STIL: variants seen among roughly 807,000 people sequenced by gnomAD.
The protein encoded by STIL is SCL-interrupting locus protein.
STIL carries 55 observed loss-of-function variants against 110.1 expected under a neutral mutation model. The observed-to-expected ratio is 0.50, with a 90% CI of 0.40 to 0.63. The LOEUF (loss-of-function observed/expected upper bound fraction) is 0.63, where lower values mean the gene tolerates loss of function less well. Among genes scored for constraint, STIL ranks in the 20% least tolerant of loss-of-function variants. The pLI is 0.00. For synonymous variants in STIL, 481 were observed against 530.0 expected, an observed-to-expected ratio of 0.91 and a Z score of 1.27; for missense variants, 1,358 against 1,530.0, an observed-to-expected ratio of 0.89 and a Z score of 1.87.
intron 16 of STIL, among the ~76,000 whole-genome samples, chr1:47,254,892 A>T (rs535112910): frequency 6.6e-6 from 1 of 152,302 alleles, no homozygotes; most frequent in East Asian, 1.9e-4. Context: ...TAAAGTAGTC[A>T]ATATCAGTTT....
intron 3 of STIL, among the ~76,000 whole-genome samples, chr1:47,302,694 C>T (rs1329785691): frequency 6.6e-6 from 1 of 152,098 alleles, no homozygotes; most frequent in Non-Finnish European, 1.5e-5. Flanking sequence ...ACAGTAGTGC[C>T]CCCTTATCTC....
chr1:47,312,325 C>A (rs1470381041), intron 1 of STIL, among the ~76,000 whole-genome samples: 1 of 151,972 alleles, frequency 6.6e-6, no homozygotes, highest in Non-Finnish European at 1.5e-5. Flanking sequence ...CCCGTCTCTA[C>A]TAAAAATACA....
chr1:47,274,807 CT>C (rs139519885), intron 12 of STIL, among the ~76,000 whole-genome samples: 38,301 of 151,352 alleles, frequency 0.25, 5,159 homozygotes, highest in Non-Finnish European at 0.31. Context: ...GTGGAGCAGA[CT>C]ATAGTTCAGA....
At chr1:47,275,466 G>A (rs543420443) in intron 12 of STIL, among the ~76,000 whole-genome samples, 10 of 151,992 alleles carry the variant, frequency 6.6e-5, no homozygotes, top group East Asian at 5.8e-4. Context: ...AAATTAGCCC[G>A]GCTTGGTGGC....
In STIL at chr1:47,289,415, T is replaced by C; in HGVS notation, c.1023+20A>G. On this transcript the variant is annotated intron_variant, in intron 9 of 16. Coordinates refer to ENST00000371877, the MANE Select transcript of STIL (RefSeq NM_001048166.1). The stretch of plus-strand genomic sequence containing the variant: ...AAACCCTAAACAGTCACTAATGTAC[T>C]AGACAATGAAATCACTTACTTTGAA... 2 of 1,612,132 alleles carry C rather than the reference T, an allele frequency of 1.2e-6. No homozygotes were observed. Among genetic ancestry groups the C allele is most frequent in the Non-Finnish European group, 8.5e-7 (1 of 1,178,470 alleles).
intron 16 of STIL, among the ~76,000 whole-genome samples, chr1:47,254,518 G>C (rs1354980168): frequency 6.9e-6 from 1 of 144,050 alleles, no homozygotes; most frequent in Non-Finnish European, 1.5e-5. Flanking sequence ...AAGAAAGCAG[G>C]TCTAATTTGG....
chr1:47,282,095 T>G (rs1227454586), intron 11 of STIL, among the ~76,000 whole-genome samples: 1 of 152,130 alleles, frequency 6.6e-6, no homozygotes, highest in African/African-American at 2.4e-5. Context: ...CAGTTTACTC[T>G]AGGAATAACC....
intron 12 of STIL, 147 bp downstream of exon 12, chr1:47,280,094 C>T (rs1201224235): frequency 7.5e-6 from 8 of 1,070,922 alleles, no homozygotes; most frequent in Middle Eastern, 2.9e-4. Context: ...ACCTGTAAAA[C>T]AAGAGGGCCT....
chr1:47,260,352 A>C lies in STIL; in HGVS notation c.3017T>G (p.Leu1006Arg), dbSNP rs1428022455. Residue 1006 changes from leucine (L) to arginine (R), a missense_variant, in exon 16 of 17, where the codon CTT becomes CGT. Transcript: ENST00000371877. ...AGTGGGAGAATCAATTTTTACTCCAAGGCTTCTTAGTTGCTTAAGAGTTGC... is the reference window on the plus strand; with the variant it reads ...AGTGGGAGAATCAATTTTTACTCCACGGCTTCTTAGTTGCTTAAGAGTTGC... The part of the protein sequence containing the change: ...LNATLKQLRS[L>R]GVKIDSPTKV... The C allele has an allele frequency of 6.2e-7, 1 of 1,614,028 alleles. No individual in the cohort carries two copies. The highest frequency in any genetic ancestry group is 1.3e-5 in the African/African-American group (1 of 74,946).
chr1:47,288,771 G>A (rs1400802841), intron 9 of STIL, among the ~76,000 whole-genome samples: 3 of 151,102 alleles, frequency 2.0e-5, no homozygotes, highest in Non-Finnish European at 4.4e-5. Context: ...TCATGGTCAG[G>A]TGCAGTGGCT....
intron 7 of STIL, among the ~76,000 whole-genome samples, chr1:47,294,106 C>G (rs868168312): frequency 1.3e-5 from 2 of 152,194 alleles, no homozygotes; most frequent in Non-Finnish European, 2.9e-5. Flanking sequence ...CATTCTCATT[C>G]ACTTTGCATG....
At chr1:47,271,380 T>A (rs567070966) in intron 13 of STIL, among the ~76,000 whole-genome samples, 5 of 151,864 alleles carry the variant, frequency 3.3e-5, no homozygotes, top group Admixed American at 3.3e-4. Flanking sequence ...GAGACCAGCC[T>A]GACCAACATA....
At position 47,260,267 on chromosome 1, in the gene STIL, AAAAC is replaced by A; in HGVS notation, c.3080+18_3080+21del. Reference sequence around the variant, plus strand: ...AAAAAATAAAATTTATTCACTCTTTAAAACAAAATTTTAAAAGTTACCTGGCGTG... The same window carrying A: ...AAAAAATAAAATTTATTCACTCTTTAAAAATTTTAAAAGTTACCTGGCGTG... On this transcript the variant is annotated intron_variant, in intron 16 of 16. Transcript: ENST00000371877. 6.2e-7 allele frequency: 1 copy of A among 1,601,078 alleles called. No individual in the cohort carries two copies. The highest frequency in any genetic ancestry group is 8.5e-7 in the Non-Finnish European group (1 of 1,175,108).
chr1:47,300,042 C>A lies in STIL; in HGVS notation c.564G>T (p.Leu188Phe). 3 of 1,614,124 alleles carry A rather than the reference C, an allele frequency of 1.9e-6. No individual in the cohort carries two copies. Among genetic ancestry groups the A allele is most frequent in the Admixed American group, 1.7e-5 (1 of 60,014 alleles). Reference protein sequence around the residue: ...RESLDSVEFDLHWAAVTLANN... With the variant: ...RESLDSVEFDFHWAAVTLANN... ...TTGCTAGAGTTACTGCTGCCCAATG[C>A]AAGTCAAATTCCACACTGTCCAAAC... Residue 188 changes from leucine (L) to phenylalanine (F), a missense_variant, in exon 6 of 17, where the codon TTG becomes TTT. Coordinates refer to ENST00000371877, the MANE Select transcript of STIL (RefSeq NM_001048166.1).
Position 47,280,167 on chromosome 1 carries a change from C to A in STIL, c.2217+74G>T. 7 of 1,585,952 alleles carry A rather than the reference C, an allele frequency of 4.4e-6. No homozygotes were observed. The East Asian group carries it at 1.6e-4, about 35-fold the overall frequency. ...TCTATACTTCTATAAAACATCATTA[C>A]TGAGGAGAGGTGCCAGTTTTTAAGA... On this transcript the variant is annotated intron_variant, in intron 12 of 16. Coordinates refer to ENST00000371877, the MANE Select transcript of STIL (RefSeq NM_001048166.1).
At chr1:47,296,431 T>C (rs1241718807) in intron 6 of STIL, among the ~76,000 whole-genome samples, 1 of 152,210 alleles carries the variant, frequency 6.6e-6, no homozygotes, top group Non-Finnish European at 1.5e-5. Context: ...ATATTTATTA[T>C]TGACAGCAAG....
At chr1:47,282,642 C>A in intron 10 of STIL, 183 bp from the exon 11 acceptor site, 1 of 569,566 alleles carries the variant, frequency 1.8e-6, no homozygotes. Flanking sequence ...GCTGGACCAG[C>A]CAGCCTTAAT....
At chr1:47,262,617 TCTTG>T (rs1458799178) in intron 15 of STIL, among the ~76,000 whole-genome samples, 3 of 152,222 alleles carry the variant, frequency 2.0e-5, no homozygotes, top group Admixed American at 6.5e-5. Flanking sequence ...TCCGAGAAAC[TCTTG>T]CTTATTTTCT....
At position 47,297,986 on chromosome 1, in the gene STIL, AAGTACTTT is replaced by A. The variant is rs149198010; in HGVS notation, c.701+1911_701+1918del. Among the ~76,000 whole-genome samples, 676 of 152,290 alleles carry A rather than the reference AAGTACTTT, an allele frequency of 4.4e-3. 6 individuals carry two copies. Among genetic ancestry groups the A allele is most frequent in the African/African-American group, 0.015 (641 of 41,550 alleles). On this transcript the variant is annotated intron_variant, in intron 6 of 16. Coordinates refer to ENST00000371877, the MANE Select transcript of STIL (RefSeq NM_001048166.1). ...CAAAAAATCCCATGCTCCACTTGAGAAGTACTTTATTAATTAAGAGGATTAAATGTTTC... is the reference window on the plus strand; with the variant it reads ...CAAAAAATCCCATGCTCCACTTGAGAATTAATTAAGAGGATTAAATGTTTC...
Sources: gnomAD v4.1 joint callset for allele counts (sites outside exome capture counted in the v4.1 genomes callset) on GRCh38, gnomAD v4.1.1 for gene constraint, MANE v1.5 for transcripts, NCBI Gene and HGNC (gene_info 2026-07-23, HGNC 2026-07-21) for gene names.